Variants in PCDHA3 observed in about 807,000 individuals in gnomAD.
PCDHA3 encodes protocadherin alpha 3, also known as protocadherin alpha-3.
Under a neutral mutation model 62.2 loss-of-function variants are expected in PCDHA3, and 41 were observed. That is an observed-to-expected ratio of 0.66 (90% CI 0.51 to 0.86). The LOEUF (loss-of-function observed/expected upper bound fraction) is 0.86. Ranked by LOEUF, PCDHA3 falls within the 40% of genes least tolerant of loss-of-function variation. The pLI is 0.00. For synonymous variants in PCDHA3, 640 were observed against 555.4 expected (o/e 1.15, Z -2.14); for missense variants, 1,304 against 1,241.2 (o/e 1.05, Z -0.76).
rs376556447 is a variant in PCDHA3 at position 140,885,103 on chromosome 5, CT to C, written c.2394+81519del. On this transcript the variant is annotated intron_variant, in intron 1 of 3. Transcript: ENST00000522353. The stretch of plus-strand genomic sequence containing the variant: ...AGCCCCATAACTTTTCACATAAATG[CT>C]TTTTTTAAGTGCACTTTTCTTTCTT... Among the ~76,000 whole-genome samples the C allele has an allele frequency of 4.5e-3, 686 of 152,136 alleles. 2 individuals are homozygous for C. Among genetic ancestry groups the C allele is most frequent in the African/African-American group, 0.016 (664 of 41,518 alleles).
chr5:140,980,030 C>T (rs552658283), intron 2 of PCDHA3, among the ~76,000 whole-genome samples: 29 of 152,292 alleles, frequency 1.9e-4, no homozygotes, highest in Admixed American at 4.6e-4. Flanking sequence ...GAAATCATTA[C>T]ATTGGGTGCT....
At chr5:140,833,764 A>G (rs1310770035) in intron 1 of PCDHA3, among the ~76,000 whole-genome samples, 2 of 151,920 alleles carry the variant, frequency 1.3e-5, no homozygotes, top group African/African-American at 4.8e-5. Context: ...ACACACACAC[A>G]CACCGCTTTC....
At position 141,010,536 on chromosome 5, in the gene PCDHA3, T is replaced by A; in HGVS notation, c.*599T>A. On this transcript the variant is annotated 3_prime_UTR_variant, in exon 4 of 4. Transcript: ENST00000522353. ...AACTCAAGAGGTGGCAGCCACCCTC[T>A]AGGAGACAAAACTACCCCCACTGAC... 1 of 381,624 alleles carries A rather than the reference T, an allele frequency of 2.6e-6. No homozygotes were observed. The highest frequency in any genetic ancestry group is 4.6e-6 in the Non-Finnish European group (1 of 218,036). 23.6% of individuals were successfully genotyped at this position (381,624 alleles called of 1,614,324 possible).
At chr5:140,917,318 A>G (rs961734758) in intron 1 of PCDHA3, among the ~76,000 whole-genome samples, 1 of 99,850 alleles carries the variant, frequency 1.0e-5, no homozygotes, top group South Asian at 3.3e-4. Context: ...TTTGGTGTTC[A>G]TGTGGCGGGG....
At chr5:140,926,557 C>G (rs2083347198) in intron 1 of PCDHA3, 1 of 241,254 alleles carries the variant, frequency 4.1e-6, no homozygotes. Context: ...GACCCCAGCC[C>G]GCTGCTACTG....
At chr5:140,828,870 C>G (rs1176044523) in intron 1 of PCDHA3, 1 of 1,614,086 alleles carries the variant, frequency 6.2e-7, no homozygotes, top group Non-Finnish European at 8.5e-7. Context: ...AACGGAACAA[C>G]AGTTATCAGA....
chr5:140,928,981 G>A, intron 1 of PCDHA3: 1 of 1,613,802 alleles, frequency 6.2e-7, no homozygotes, highest in Non-Finnish European at 8.5e-7. Context: ...TTTATTTCTG[G>A]GGTGCTTACT....
At chr5:140,877,172 C>A (rs371577720) in intron 1 of PCDHA3, 1 of 1,613,818 alleles carries the variant, frequency 6.2e-7, no homozygotes. Flanking sequence ...GCACTGCTGG[C>A]GACTCCGGCT....
chr5:140,884,403 T>C, intron 1 of PCDHA3: 1 of 1,613,992 alleles, frequency 6.2e-7, no homozygotes, highest in African/African-American at 1.3e-5. Context: ...AGCCTGTTGG[T>C]GCTCACGTTG....
In PCDHA3 at chr5:140,802,730, C is replaced by T. The variant is rs781795094; in HGVS notation, c.1533C>T (p.His511=). ...CGCTGTCGAGCTACGTGTCGGTACA[C>T]GCGGAGAGCGGCAAGGTGTACGCGC... ...ERALSSYVSV[H]AESGKVYALQ... The change falls in exon 1 of 4, where the codon CAC becomes CAT. Residue 511 remains histidine, a synonymous_variant. Coordinates refer to ENST00000522353, the MANE Select transcript of PCDHA3 (RefSeq NM_018906.3). 4.3e-6 allele frequency: 7 copies of T among 1,612,474 alleles called. No homozygotes were observed. Among genetic ancestry groups the T allele is most frequent in the Middle Eastern group, 1.9e-4 (1 of 5,180 alleles).
intron 1 of PCDHA3, chr5:140,808,492 G>A (rs1448615626): frequency 6.2e-7 from 1 of 1,614,188 alleles, no homozygotes; most frequent in Non-Finnish European, 8.5e-7. Flanking sequence ...CGCCTTCGCT[G>A]TGGGCCACGG....
intron 3 of PCDHA3, among the ~76,000 whole-genome samples, chr5:141,007,395 C>CAAAAAAAAAA (rs35800918): frequency 8.4e-5 from 8 of 94,862 alleles, no homozygotes; most frequent in African/African-American, 1.7e-4. Flanking sequence ...TACTAAAATA[C>CAAAAAAAAAA]AAAAAAAAAA....
chr5:140,870,655 G>A (rs1554164527), intron 1 of PCDHA3: 1 of 1,612,540 alleles, frequency 6.2e-7, no homozygotes, highest in Non-Finnish European at 8.5e-7. Context: ...CAAGGTGTAC[G>A]CGCTGCAGCC....
chr5:140,876,553 G>A, intron 1 of PCDHA3: 2 of 1,614,216 alleles, frequency 1.2e-6, no homozygotes, highest in African/African-American at 2.7e-5. Context: ...CCCTGTGCAA[G>A]AGGATGCTCA....
intron 3 of PCDHA3, among the ~76,000 whole-genome samples, chr5:140,985,765 A>G (rs2097169846): frequency 7.8e-6 from 1 of 128,516 alleles, no homozygotes; most frequent in African/African-American, 3.0e-5. Flanking sequence ...TTTTTGAGAC[A>G]GTCTCGCTCT....
At chr5:140,817,505 A>G (rs1231227297) in intron 1 of PCDHA3, 20 of 152,224 alleles carry the variant, frequency 1.3e-4, no homozygotes, top group African/African-American at 4.6e-4. Context: ...ATGCTTTTAC[A>G]AATTATTTTA....
chr5:140,967,226 C>T, intron 1 of PCDHA3: 1 of 1,613,746 alleles, frequency 6.2e-7, no homozygotes, highest in Non-Finnish European at 8.5e-7. Flanking sequence ...GCCCAACTAC[C>T]AGCTTCAGGT....
intron 1 of PCDHA3, among the ~76,000 whole-genome samples, chr5:140,946,015 G>A (rs246056): frequency 0.57 from 86,078 of 151,518 alleles, 25,094 homozygotes; most frequent in African/African-American, 0.71. Context: ...AAGCTCCTGC[G>A]CAGCAAAGAA....
intron 1 of PCDHA3, among the ~76,000 whole-genome samples, chr5:140,832,237 T>C (rs1554133481): frequency 4.6e-5 from 7 of 152,218 alleles, no homozygotes. Flanking sequence ...TTTGACTTTT[T>C]GTGTTGTCCA....
Sources: allele counts gnomAD v4.1 joint callset (sites outside exome capture counted in the v4.1 genomes callset), GRCh38; gene constraint gnomAD v4.1.1; transcripts MANE v1.5; gene names NCBI Gene and HGNC (gene_info 2026-07-23, HGNC 2026-07-21).